EIF3H: variants seen among roughly 807,000 people sequenced by gnomAD.
EIF3H encodes eIF-3-gamma.
A neutral mutation model predicts 44.2 loss-of-function variants in EIF3H; 26 were observed. That is an observed-to-expected ratio of 0.59 (90% CI 0.43 to 0.82). The LOEUF (loss-of-function observed/expected upper bound fraction) is 0.82. Ranked by LOEUF, EIF3H falls within the 40% of genes least tolerant of loss-of-function variation. The pLI, the probability that EIF3H is intolerant of heterozygous loss-of-function variation, is 0.00. For missense variants in EIF3H, 359 were observed against 432.8 expected, an observed-to-expected ratio of 0.83 and a Z score of 1.51; for synonymous variants, 166 against 151.9, an observed-to-expected ratio of 1.09 and a Z score of -0.68.
In EIF3H at chr8:116,679,139, G is replaced by A. The variant is rs1424327682; in HGVS notation, c.290-20159C>T. Among the ~76,000 whole-genome samples the A allele has an allele frequency of 1.8e-4, 13 of 71,408 alleles. No individual in the cohort carries two copies. The East Asian group carries it at 2.7e-3, about 15-fold the overall frequency. 46.8% of individuals were successfully genotyped at this position (71,408 alleles called of 152,430 possible). A position where few individuals can be genotyped will look rare whatever the true frequency, so the allele number is the denominator to read the frequency against. ...GGGAGGGGGGGTCAGCCCCCTGCCC[G>A]GCCAGCCGCCCCGTCCGGGAGGGAG... On this transcript the variant is annotated intron_variant, in intron 2 of 7. Transcript: ENST00000521861.
intron 1 of EIF3H, among the ~76,000 whole-genome samples, chr8:116,728,067 T>C (rs1049131190): frequency 6.6e-6 from 1 of 152,198 alleles, no homozygotes; most frequent in African/African-American, 2.4e-5. Flanking sequence ...CTTTTTAGAT[T>C]TTCAGTATAT....
intron 1 of EIF3H, among the ~76,000 whole-genome samples, chr8:116,755,187 AC>A (rs1482864120): frequency 1.3e-5 from 2 of 152,208 alleles, no homozygotes; most frequent in African/African-American, 4.8e-5. Context: ...TCTAAATTAT[AC>A]GGTTTCAGAT....
intron 2 of EIF3H, among the ~76,000 whole-genome samples, chr8:116,686,126 G>A (rs1015256058): frequency 6.6e-6 from 1 of 152,122 alleles, no homozygotes; most frequent in Admixed American, 6.5e-5. Flanking sequence ...AACATAGGAA[G>A]TCATCAATGA....
At chr8:116,666,170 A>G (rs925892849) in intron 2 of EIF3H, among the ~76,000 whole-genome samples, 2 of 152,178 alleles carry the variant, frequency 1.3e-5, no homozygotes, top group Non-Finnish European at 2.9e-5. Flanking sequence ...TTACAGAAAT[A>G]TTTTTTAAAA....
At chr8:116,758,287 A>C (rs1327377931), upstream of EIF3H, among the ~76,000 whole-genome samples, 1 of 152,252 alleles carries the variant, frequency 6.6e-6, no homozygotes, top group Non-Finnish European at 1.5e-5. Flanking sequence ...AATAATGATA[A>C]AATGATCAAT....
Position 116,642,450 on chromosome 8 carries a change from T to C in EIF3H, c.*2556A>G, listed in dbSNP as rs1813236552. ...AAAAAATTATTTTAGTTTAAGTTGA[T>C]ATTAAAAACACATTGGGAGCAGGAA... On this transcript the variant is annotated 3_prime_UTR_variant, in exon 8 of 8. Transcript: ENST00000521861. 1 of 152,202 alleles carries C rather than the reference T, an allele frequency of 6.6e-6. No homozygotes were observed. The highest frequency in any genetic ancestry group is 6.5e-5 in the Admixed American group (1 of 15,286). 9.4% of individuals were successfully genotyped at this position (152,202 alleles called of 1,614,324 possible). A position where few individuals can be genotyped will look rare whatever the true frequency, so the allele number is the denominator to read the frequency against.
chr8:116,682,034 A>C (rs957581095), intron 2 of EIF3H, among the ~76,000 whole-genome samples: 1 of 152,252 alleles, frequency 6.6e-6, no homozygotes, highest in Admixed American at 6.5e-5. Flanking sequence ...TGCATCATAG[A>C]ATCCAGGAGA....
intron 1 of EIF3H, among the ~76,000 whole-genome samples, chr8:116,731,000 A>C (rs993448210): frequency 1.3e-5 from 2 of 152,236 alleles, no homozygotes; most frequent in Admixed American, 1.3e-4. Context: ...ACTTCTAATT[A>C]CTTCACAATA....
At chr8:116,696,388 T>C (rs1814268521) in intron 2 of EIF3H, among the ~76,000 whole-genome samples, 1 of 152,248 alleles carries the variant, frequency 6.6e-6, no homozygotes, top group African/African-American at 2.4e-5. Flanking sequence ...TTTATACAGC[T>C]ACATGACTAA....
At chr8:116,760,924 TTAAG>T (rs1180473630) in intron 1 of EIF3H, among the ~76,000 whole-genome samples, 7 of 152,234 alleles carry the variant, frequency 4.6e-5, no homozygotes, top group African/African-American at 1.7e-4. Flanking sequence ...TTAAACTTCT[TTAAG>T]TAACAGTAAT....
intron 2 of EIF3H, among the ~76,000 whole-genome samples, chr8:116,718,493 T>C (rs1309683951): frequency 6.6e-6 from 1 of 151,428 alleles, no homozygotes; most frequent in Non-Finnish European, 1.5e-5. Flanking sequence ...AATCAGTGGA[T>C]AAAGAAAATG....
chr8:116,647,368 G>A (rs954378007), intron 6 of EIF3H, among the ~76,000 whole-genome samples: 1 of 152,158 alleles, frequency 6.6e-6, no homozygotes, highest in South Asian at 2.1e-4. Context: ...CCCAAGTGCT[G>A]GGATTACAGG....
intron 1 of EIF3H, among the ~76,000 whole-genome samples, chr8:116,748,523 TTTC>T (rs1815276677): frequency 2.6e-5 from 4 of 152,204 alleles, no homozygotes; most frequent in Admixed American, 1.3e-4. Flanking sequence ...ACTAACCCAG[TTTC>T]TTCATGATTG....
At chr8:116,659,061 C>T in intron 2 of EIF3H, 81 bp from the exon 3 acceptor site, 1 of 1,165,660 alleles carries the variant, frequency 8.6e-7, no homozygotes, top group East Asian at 2.7e-5. Flanking sequence ...GTTTTGGAAA[C>T]AAATGTCTAC....
chr8:116,718,247 A>T (rs1019085269), intron 2 of EIF3H, among the ~76,000 whole-genome samples: 4 of 152,162 alleles, frequency 2.6e-5, no homozygotes, highest in African/African-American at 9.7e-5. Flanking sequence ...GGATGGGGTG[A>T]AAAGAAAACA....
rs12541711 is a variant in EIF3H, at chr8:116,703,218, G to A, written c.289+22798C>T. On this transcript the variant is annotated intron_variant, in intron 2 of 7. Transcript: ENST00000521861. ...TCTACCATTATAACCTAGGAAAAAC[G>A]AGGGCATACAGAGATAGGAGCTGAA... 6.8e-3 allele frequency among the ~76,000 whole-genome samples: 1,039 copies of A among 152,092 alleles called. 25 individuals carry two copies. The highest frequency in any genetic ancestry group is 0.038 in the East Asian group (199 of 5,178).
chr8:116,753,568 A>C (rs1308288613), intron 1 of EIF3H, among the ~76,000 whole-genome samples: 1 of 152,240 alleles, frequency 6.6e-6, no homozygotes, highest in Non-Finnish European at 1.5e-5. Context: ...TTGGTTCCTT[A>C]GCATTAATCA....
rs527504727 is a variant in EIF3H, at chr8:116,716,956, T to C, written c.289+9060A>G. 4.6e-5 allele frequency among the ~76,000 whole-genome samples: 7 copies of C among 152,132 alleles called. No individual in the cohort carries two copies. The South Asian group carries it at 1.5e-3, about 32-fold the overall frequency. On this transcript the variant is annotated intron_variant, in intron 2 of 7. Transcript: ENST00000521861. ...TATTTGGTATATTACCTCCCCGAGG[T>C]GGATGGCACAAAAAAAGATCTTCCT...
chr8:116,717,870 G>T (rs922729145), intron 2 of EIF3H, among the ~76,000 whole-genome samples: 3 of 151,998 alleles, frequency 2.0e-5, no homozygotes, highest in Non-Finnish European at 4.4e-5. Flanking sequence ...AAAAGAAAAT[G>T]CAACAAAACC....
Sources: allele counts gnomAD v4.1 joint callset (sites outside exome capture counted in the v4.1 genomes callset), GRCh38; gene constraint gnomAD v4.1.1; transcripts MANE v1.5; gene names NCBI Gene and HGNC (gene_info 2026-07-23, HGNC 2026-07-21).